Variants in ADAMTS12 observed in about 807,000 individuals in gnomAD.
The protein encoded by ADAMTS12 is A disintegrin and metalloproteinase with thrombospondin motifs 12.
ADAMTS12 carries 118 observed loss-of-function variants against 167.8 expected under a neutral mutation model. The ratio of observed to expected loss-of-function variants is 0.70; its 90% CI spans 0.61 to 0.82. The LOEUF (loss-of-function observed/expected upper bound fraction) is 0.82. Among genes scored for constraint, ADAMTS12 ranks in the 40% least tolerant of loss-of-function variants. ADAMTS12 has a pLI of 0.00. For synonymous variants in ADAMTS12, 704 were observed against 716.9 expected (o/e 0.98, Z 0.29); for missense variants, 1,916 against 1,998.8 (o/e 0.96, Z 0.79).
At chr5:33,869,433 G>T (rs1749955330) in intron 2 of ADAMTS12, among the ~76,000 whole-genome samples, 1 of 152,040 alleles carries the variant, frequency 6.6e-6, no homozygotes, top group Non-Finnish European at 1.5e-5. Context: ...CCTCTGGTAG[G>T]GCAATGCAGA....
intron 18 of ADAMTS12, among the ~76,000 whole-genome samples, chr5:33,585,709 G>A (rs984681661): frequency 2.0e-5 from 3 of 152,198 alleles, no homozygotes; most frequent in African/African-American, 7.2e-5. Flanking sequence ...GCAAAACCAG[G>A]ATAAGATTCT....
intron 1 of ADAMTS12, among the ~76,000 whole-genome samples, chr5:33,885,033 AG>A (rs1750588113): frequency 2.6e-5 from 4 of 152,244 alleles, no homozygotes; most frequent in Admixed American, 2.6e-4. Context: ...CTCTGAAAAG[AG>A]TTGAAAATAT....
chr5:33,734,311 G>A (rs932592863), intron 3 of ADAMTS12, among the ~76,000 whole-genome samples: 2 of 152,168 alleles, frequency 1.3e-5, no homozygotes, highest in African/African-American at 4.8e-5. Flanking sequence ...GGTCAGAGGT[G>A]AGGACACAGC....
chr5:33,623,966 T>C (rs546942633), intron 14 of ADAMTS12, among the ~76,000 whole-genome samples: 4 of 152,218 alleles, frequency 2.6e-5, no homozygotes, highest in African/African-American at 9.6e-5. Flanking sequence ...CACACTCTTA[T>C]ACCTGTTCCT....
intron 9 of ADAMTS12, among the ~76,000 whole-genome samples, chr5:33,647,691 A>G (rs1260891682): frequency 6.6e-6 from 1 of 152,138 alleles, no homozygotes; most frequent in Admixed American, 6.5e-5. Context: ...AGATCATGCC[A>G]CTGCACTCCA....
intron 12 of ADAMTS12, among the ~76,000 whole-genome samples, chr5:33,635,829 T>C (rs1740166255): frequency 6.6e-6 from 1 of 152,172 alleles, no homozygotes; most frequent in South Asian, 2.1e-4. Context: ...TTCAAGGTAG[T>C]AGCTATTCAG....
chr5:33,777,421 G>A (rs1184937062), intron 2 of ADAMTS12, among the ~76,000 whole-genome samples: 2 of 151,748 alleles, frequency 1.3e-5, no homozygotes, highest in African/African-American at 4.8e-5. Flanking sequence ...CAGAATGAAG[G>A]ACAAAAATCA....
chr5:33,680,058 T>A (rs1742052131), intron 5 of ADAMTS12, among the ~76,000 whole-genome samples: 1 of 152,200 alleles, frequency 6.6e-6, no homozygotes, highest in Non-Finnish European at 1.5e-5. Flanking sequence ...AAAATGAGAA[T>A]TGTGGACTGC....
chr5:33,852,152 A>G (rs1749241383), intron 2 of ADAMTS12, among the ~76,000 whole-genome samples: 1 of 152,230 alleles, frequency 6.6e-6, no homozygotes, highest in South Asian at 2.1e-4. Context: ...ACAAAGACCA[A>G]GGAAGAGAAA....
At chr5:33,719,338 TTTAGAAG>T (rs1291917091) in intron 3 of ADAMTS12, among the ~76,000 whole-genome samples, 14 of 152,094 alleles carry the variant, frequency 9.2e-5, no homozygotes, top group African/African-American at 3.1e-4. Context: ...CCCAAGAGGT[TTTAGAAG>T]AAGGAATAAG....
At chr5:33,784,671 A>C (rs1007516462) in intron 2 of ADAMTS12, among the ~76,000 whole-genome samples, 4 of 152,006 alleles carry the variant, frequency 2.6e-5, no homozygotes, top group African/African-American at 9.7e-5. Flanking sequence ...AATGTACAAA[A>C]CATTACCGAG....
At chr5:33,890,755 A>G (rs1284369317) in intron 1 of ADAMTS12, among the ~76,000 whole-genome samples, 2 of 152,132 alleles carry the variant, frequency 1.3e-5, no homozygotes, top group Non-Finnish European at 2.9e-5. Flanking sequence ...GCTACAGGAC[A>G]GTGCTGCATG....
chr5:33,854,104 A>T (rs912845231), intron 2 of ADAMTS12, among the ~76,000 whole-genome samples: 2 of 152,224 alleles, frequency 1.3e-5, no homozygotes, highest in Non-Finnish European at 2.9e-5. Context: ...GTCATCTTAT[A>T]CTGAAAGATC....
chr5:33,730,920 C>T (rs1579883413), intron 3 of ADAMTS12, among the ~76,000 whole-genome samples: 1 of 152,138 alleles, frequency 6.6e-6, no homozygotes, highest in Non-Finnish European at 1.5e-5. Flanking sequence ...TTGAGAATAA[C>T]GGGTACTAGC....
intron 2 of ADAMTS12, among the ~76,000 whole-genome samples, chr5:33,782,990 C>G (rs1312147120): frequency 2.0e-5 from 3 of 151,908 alleles, no homozygotes; most frequent in African/African-American, 7.2e-5. Flanking sequence ...AAGCGCATGC[C>G]AACTATTCTC....
chr5:33,890,000 T>C (rs1750785807), intron 1 of ADAMTS12, among the ~76,000 whole-genome samples: 2 of 152,114 alleles, frequency 1.3e-5, no homozygotes, highest in African/African-American at 2.4e-5. Flanking sequence ...AATATATATA[T>C]CACCAATAAG....
At chr5:33,589,083 A>C (rs1747512694) in intron 17 of ADAMTS12, among the ~76,000 whole-genome samples, 1 of 152,250 alleles carries the variant, frequency 6.6e-6, no homozygotes, top group Non-Finnish European at 1.5e-5. Flanking sequence ...TTCAGGAAGA[A>C]AACTGAGGTC....
intron 3 of ADAMTS12, among the ~76,000 whole-genome samples, chr5:33,699,808 C>G (rs1325158432): frequency 2.0e-5 from 3 of 152,062 alleles, no homozygotes; most frequent in Non-Finnish European, 4.4e-5. Flanking sequence ...TGTTTTCAAA[C>G]TATATATTTA....
At chr5:33,590,079 T>G in intron 17 of ADAMTS12, among the ~76,000 whole-genome samples, 1 of 152,226 alleles carries the variant, frequency 6.6e-6, no homozygotes, top group East Asian at 1.9e-4. Flanking sequence ...AGTGCCCCAC[T>G]GTATTAATCT....
Sources: allele counts gnomAD v4.1 joint callset (sites outside exome capture counted in the v4.1 genomes callset), GRCh38; gene constraint gnomAD v4.1.1; transcripts MANE v1.5; gene names NCBI Gene and HGNC (gene_info 2026-07-23, HGNC 2026-07-21).